CDK18: variants seen among roughly 807,000 people sequenced by gnomAD.
The protein encoded by CDK18 is cyclin-dependent kinase 18.
Under a neutral mutation model 62.0 loss-of-function variants are expected in CDK18, and 52 were observed. The observed-to-expected ratio is 0.84, with a 90% CI of 0.67 to 1.06. The LOEUF is 1.06. Among genes scored for constraint, CDK18 ranks in the 50% least tolerant of loss-of-function variants. The probability of loss-of-function intolerance (pLI) is 0.00; values close to 1 mark genes in which losing one functional copy is unlikely to be tolerated. For synonymous variants in CDK18, 237 were observed against 247.0 expected (o/e 0.96, Z 0.38); for missense variants, 604 against 619.9 (o/e 0.97, Z 0.27).
chr1:205,529,215 C>T, intron 11 of CDK18, 109 bp from the exon 12 acceptor site: 2 of 1,338,978 alleles, frequency 1.5e-6, no homozygotes, highest in Non-Finnish European at 2.1e-6. Flanking sequence ...GCGGGGACCC[C>T]CTGTGGCCTC....
At chr1:205,526,986 C>T (rs935585473) in intron 8 of CDK18, 149 bp downstream of exon 8, 71 of 661,230 alleles carry the variant, frequency 1.1e-4, no homozygotes, top group Admixed American at 2.6e-4. Context: ...ATGCCATCAA[C>T]GAGTCCAGGA....
In CDK18 at chr1:205,529,424, G is replaced by A. The variant is rs757550284; in HGVS notation, c.1173G>A (p.Ala391=). 2 of 1,613,442 alleles carry A rather than the reference G, an allele frequency of 1.2e-6. No individual in the cohort carries two copies. The highest frequency in any genetic ancestry group is 3.3e-5 in the Admixed American group (2 of 59,952). ...CYLPQPLINH[A]PRLDTDGIHL... ...TCCCGCAGCCGCTCATCAACCACGC[G>A]CCCAGGTAGCCCCTGCGCCCGCCGC... Residue 391 remains alanine, a synonymous_variant, in exon 12 of 16, where the codon GCG becomes GCA. Coordinates refer to ENST00000429964, the MANE Select transcript of CDK18 (RefSeq NM_212502.3).
intron 1 of CDK18, among the ~76,000 whole-genome samples, chr1:205,512,789 G>A (rs1667629342): frequency 6.6e-6 from 1 of 152,244 alleles, no homozygotes; most frequent in African/African-American, 2.4e-5. Flanking sequence ...GGGCCAGCTG[G>A]TGGGGGTGGA....
rs1667223622 is a variant in CDK18 at position 205,504,785 on chromosome 1, A to G, written c.-33A>G. ...AGGGAGCGGGCGCACCGCGGCCCCC[A>G]GGACACGCGCTGTGAGTCCCGCGGG... On this transcript the variant is annotated 5_prime_UTR_variant, in exon 1 of 16. Coordinates refer to ENST00000429964, the MANE Select transcript of CDK18 (RefSeq NM_212502.3). The G allele has an allele frequency of 6.6e-6, 1 of 152,222 alleles. No individual in the cohort carries two copies. Among genetic ancestry groups the G allele is most frequent in the South Asian group, 2.1e-4 (1 of 4,830 alleles). The allele number at this position is 152,222 out of a possible 1,614,324, so 9.4% of individuals were successfully genotyped here. A position where few individuals can be genotyped will look rare whatever the true frequency, so the allele number is the denominator to read the frequency against.
In CDK18 at chr1:205,530,366, C is replaced by T. The variant is rs377005242; in HGVS notation, c.1312+17C>T. ...TTGAAGACAGTGAGTACTGGGGGTC[C>T]GGGAGCAGGGCCACCCAGAACCAAG... On this transcript the variant is annotated intron_variant, in intron 14 of 15. Coordinates refer to ENST00000429964, the MANE Select transcript of CDK18 (RefSeq NM_212502.3). The T allele has an allele frequency of 3.2e-5, 52 of 1,608,806 alleles. No individual in the cohort carries two copies. Among genetic ancestry groups the T allele is most frequent in the African/African-American group, 2.3e-4 (17 of 74,874 alleles).
chr1:205,527,271 G>C lies in CDK18; in HGVS notation c.729+434G>C. The C allele has an allele frequency of 4.6e-6, 1 of 219,574 alleles. No individual in the cohort carries two copies. The highest frequency in any genetic ancestry group is 8.1e-5 in the South Asian group (1 of 12,388). 13.6% of individuals were successfully genotyped at this position (219,574 alleles called of 1,614,324 possible). Reference sequence around the variant, plus strand: ...AGGCAGGAAGATGGCTTGAGCCCAGGAGTTTGAGACCAGCCTGGGCAACAT... The same window carrying C: ...AGGCAGGAAGATGGCTTGAGCCCAGCAGTTTGAGACCAGCCTGGGCAACAT... On this transcript the variant is annotated intron_variant, in intron 8 of 15. Coordinates refer to ENST00000429964, the MANE Select transcript of CDK18 (RefSeq NM_212502.3). The surrounding 1 kb of genome is among the most constrained non-coding windows in gnomAD (Gnocchi z 4.1).
chr1:205,519,998 C>A (rs1031695282), intron 1 of CDK18, among the ~76,000 whole-genome samples: 10 of 152,166 alleles, frequency 6.6e-5, no homozygotes, highest in African/African-American at 9.7e-5. Flanking sequence ...CCTGGCAGAG[C>A]TCAGACCTCA....
chr1:205,523,517 G>T lies in CDK18; in HGVS notation c.165G>T (p.Pro55=). Residue 55 remains proline, a synonymous_variant, in exon 3 of 16, where the codon CCG becomes CCT. Transcript: ENST00000429964. ...TCGGTCCTCTTGGCAGAGACCCCCC[G>T]CAGGAGTGCAGCACCTTCTCCCCAA... The part of the protein sequence containing the change: ...LQLGPLGRDP[P]QECSTFSPTD... The T allele has an allele frequency of 1.2e-6, 2 of 1,605,578 alleles. No individual in the cohort carries two copies. The highest frequency in any genetic ancestry group is 1.7e-6 in the Non-Finnish European group (2 of 1,176,544).
intron 1 of CDK18, among the ~76,000 whole-genome samples, chr1:205,520,679 G>C (rs1458931707): frequency 6.9e-6 from 1 of 145,308 alleles, no homozygotes; most frequent in Non-Finnish European, 1.5e-5. Context: ...CAGCTTGGGT[G>C]ATAGAGCACG....
At position 205,527,484 on chromosome 1, in the gene CDK18, GAAA is replaced by G. The variant is rs397982726; in HGVS notation, c.730-296_730-294del. On this transcript the variant is annotated intron_variant, in intron 8 of 15. Transcript: ENST00000429964. The surrounding 1 kb of genome is among the most constrained non-coding windows in gnomAD (Gnocchi z 4.1). ...ACAGAGTAAAACCCTGACTCTAAAA[GAAA>G]AAAAAAAAAAAAAGGGATCAAGCAC... 411 of 189,800 alleles carry G rather than the reference GAAA, an allele frequency of 2.2e-3. No individual in the cohort carries two copies. The highest frequency in any genetic ancestry group is 5.7e-3 in the Middle Eastern group (3 of 526). The allele number at this position is 189,800 out of a possible 1,614,324, so 11.8% of individuals were successfully genotyped here. A position where few individuals can be genotyped will look rare whatever the true frequency, so the allele number is the denominator to read the frequency against.
At position 205,531,639 on chromosome 1, in the gene CDK18, G is replaced by C. The variant is rs557763056; in HGVS notation, c.*261G>C. 1.9e-5 allele frequency: 9 copies of C among 476,606 alleles called. No homozygotes were observed. The highest frequency in any genetic ancestry group is 7.9e-5 in the East Asian group (2 of 25,200). 29.5% of individuals were successfully genotyped at this position (476,606 alleles called of 1,614,324 possible). On this transcript the variant is annotated 3_prime_UTR_variant, in exon 16 of 16. Coordinates refer to ENST00000429964, the MANE Select transcript of CDK18 (RefSeq NM_212502.3). ...AAGCTGCTTCCCTGAGAGGACATGAGGGGGGGGCGGTCCTCGTACCCTCTC... is the reference window on the plus strand; with the variant it reads ...AAGCTGCTTCCCTGAGAGGACATGACGGGGGGGCGGTCCTCGTACCCTCTC...
At chr1:205,505,414 G>A (rs1319823624) in intron 1 of CDK18, among the ~76,000 whole-genome samples, 1 of 151,908 alleles carries the variant, frequency 6.6e-6, no homozygotes, top group Non-Finnish European at 1.5e-5. Flanking sequence ...GGGGTCTGGG[G>A]AATGCTGCTG....
chr1:205,516,469 C>G lies in CDK18; in HGVS notation c.-21-6678C>G, dbSNP rs1244341324. 2.6e-5 allele frequency among the ~76,000 whole-genome samples: 4 copies of G among 152,018 alleles called. No individual in the cohort carries two copies. The highest frequency in any genetic ancestry group is 5.9e-5 in the Non-Finnish European group (4 of 68,010). On this transcript the variant is annotated intron_variant, in intron 1 of 15. Coordinates refer to ENST00000429964, the MANE Select transcript of CDK18 (RefSeq NM_212502.3). The surrounding 1 kb of genome is among the most constrained non-coding windows in gnomAD (Gnocchi z 4.8). ...CCCCTGCCCCTGGGCCCACAGAGAC[C>G]AAGATTGAAAAGAAAAGCAAACAAA... is the stretch of plus-strand genomic sequence containing the variant.
rs576909799 is a variant in CDK18, at chr1:205,518,174, C to T, written c.-21-4973C>T. 2.6e-5 allele frequency among the ~76,000 whole-genome samples: 4 copies of T among 152,322 alleles called. No homozygotes were observed. The East Asian group carries it at 7.7e-4, about 29-fold the overall frequency. On this transcript the variant is annotated intron_variant, in intron 1 of 15. Coordinates refer to ENST00000429964, the MANE Select transcript of CDK18 (RefSeq NM_212502.3). Reference sequence around the variant, plus strand: ...CCTACTTAAACTTGCAACTGCACTTCCCACACCTTCCCTCTTCCCTGCATG... The same window carrying T: ...CCTACTTAAACTTGCAACTGCACTTTCCACACCTTCCCTCTTCCCTGCATG...
intron 1 of CDK18, among the ~76,000 whole-genome samples, chr1:205,510,505 C>T (rs1307655131): frequency 6.6e-6 from 1 of 152,246 alleles, no homozygotes; most frequent in African/African-American, 2.4e-5. Context: ...GGCAGCATCC[C>T]CTGCCGTGGC....
Position 205,527,013 on chromosome 1 carries a change from T to C in CDK18, c.729+176T>C. 1.6e-6 allele frequency: 1 copy of C among 611,748 alleles called. No homozygotes were observed. The allele number at this position is 611,748 out of a possible 1,614,324, so 37.9% of individuals were successfully genotyped here. On this transcript the variant is annotated intron_variant, in intron 8 of 15. Coordinates refer to ENST00000429964, the MANE Select transcript of CDK18 (RefSeq NM_212502.3). This position sits in a 1 kb window ranked among gnomAD's most constrained non-coding sequence, Gnocchi z 4.1. ...AGTCCAGGAACTGGGTTGAGCGCTT[T>C]ACCCCAAGAACAGACACACACTGTC... is the stretch of plus-strand genomic sequence containing the variant.
At chr1:205,514,679 A>T (rs1667732049) in intron 1 of CDK18, among the ~76,000 whole-genome samples, 1 of 152,186 alleles carries the variant, frequency 6.6e-6, no homozygotes, top group African/African-American at 2.4e-5. Flanking sequence ...GTCATCATGA[A>T]GCAGTGGCTC....
At position 205,527,815 on chromosome 1, in the gene CDK18, C is replaced by T. The variant is rs141496311; in HGVS notation, c.751C>T (p.Arg251Trp). 388 of 1,613,970 alleles carry T rather than the reference C, an allele frequency of 2.4e-4. No homozygotes were observed. The highest frequency in any genetic ancestry group is 3.8e-4 in the Admixed American group (23 of 60,014). The change falls in exon 9 of 16, where the codon CGG becomes TGG. Residue 251 changes from arginine (R) to tryptophan (W), a missense_variant. Transcript: ENST00000429964. The surrounding 1 kb of genome is among the most constrained non-coding windows in gnomAD (Gnocchi z 4.1). ...NVKIFMFQLL[R>W]GLAYCHHRKI... is the part of the protein sequence containing the mutation. ...CCAGATTTTCATGTTCCAGCTGCTCCGGGGCCTCGCCTACTGTCACCACCG... is the reference window on the plus strand; with the variant it reads ...CCAGATTTTCATGTTCCAGCTGCTCTGGGGCCTCGCCTACTGTCACCACCG...
intron 1 of CDK18, among the ~76,000 whole-genome samples, chr1:205,509,951 G>A (rs777524185): frequency 6.6e-6 from 1 of 151,956 alleles, no homozygotes; most frequent in Non-Finnish European, 1.5e-5. Flanking sequence ...ATGGTGGCAG[G>A]CACCTGTAAT....
Sources: gnomAD v4.1 joint callset for allele counts (sites outside exome capture counted in the v4.1 genomes callset) on GRCh38, gnomAD v4.1.1 for gene constraint, Gnocchi (gnomAD v3.1) non-coding constraint, MANE v1.5 for transcripts, NCBI Gene and HGNC (gene_info 2026-07-23, HGNC 2026-07-21) for gene names.